ABTB3: variants seen among roughly 807,000 people sequenced by gnomAD.
The protein encoded by ABTB3 is ankyrin repeat and BTB domain containing 3.
chr12:107,557,450 C>A, the ABTB3 span, among the ~76,000 whole-genome samples: 5 of 152,224 alleles, frequency 3.3e-5, no homozygotes, highest in African/African-American at 1.2e-4. Flanking sequence ...CAGTACATGA[C>A]TGTATATAAA....
At chr12:107,518,843 CT>C in the ABTB3 span, among the ~76,000 whole-genome samples, 1 of 146,386 alleles carries the variant, frequency 6.8e-6, no homozygotes, top group African/African-American at 2.6e-5. Context: ...ATACTTAATA[CT>C]TGTTCTTTAG....
the ABTB3 span, chr12:107,615,275 G>A: frequency 1.3e-6 from 1 of 754,288 alleles, no homozygotes; most frequent in East Asian, 2.7e-5. Flanking sequence ...TTGGTTAACT[G>A]CAATTCAATA....
At chr12:107,375,279 G>A in the ABTB3 span, among the ~76,000 whole-genome samples, 1 of 152,088 alleles carries the variant, frequency 6.6e-6, no homozygotes, top group Non-Finnish European at 1.5e-5. Context: ...TTAGCCAGGT[G>A]TGGTGACATG....
At chr12:107,440,189 G>C in the ABTB3 span, among the ~76,000 whole-genome samples, 16 of 152,174 alleles carry the variant, frequency 1.1e-4, no homozygotes, top group Non-Finnish European at 5.9e-5. Context: ...GAGCCTGTGT[G>C]GGTCCGTGAC....
At chr12:107,388,839 G>T in the ABTB3 span, among the ~76,000 whole-genome samples, 1 of 152,352 alleles carries the variant, frequency 6.6e-6, no homozygotes, top group South Asian at 2.1e-4. Context: ...AATGAACATG[G>T]TCAAGTTGTT....
At chr12:107,588,137 A>T in the ABTB3 span, among the ~76,000 whole-genome samples, 49,855 of 151,940 alleles carry the variant, frequency 0.33, 9,560 homozygotes, top group African/African-American at 0.54. Flanking sequence ...CAAATTTCCA[A>T]CTTGTTATAA....
At chr12:107,578,980 A>C in the ABTB3 span, among the ~76,000 whole-genome samples, 2 of 152,244 alleles carry the variant, frequency 1.3e-5, no homozygotes, top group Non-Finnish European at 2.9e-5. Flanking sequence ...CCGTGATCCA[A>C]GAAGTCCCCA....
chr12:107,331,462 G>A, the ABTB3 span, among the ~76,000 whole-genome samples: 1 of 152,348 alleles, frequency 6.6e-6, no homozygotes, highest in East Asian at 1.9e-4. Flanking sequence ...TGCGGGGTGA[G>A]GTCCAGGGCG....
the ABTB3 span, among the ~76,000 whole-genome samples, chr12:107,597,765 G>T: frequency 6.6e-6 from 1 of 152,328 alleles, no homozygotes; most frequent in East Asian, 1.9e-4. Flanking sequence ...GCCATTGCAG[G>T]CTGGTGGGGT....
the ABTB3 span, among the ~76,000 whole-genome samples, chr12:107,543,597 C>A: frequency 6.6e-6 from 1 of 152,072 alleles, no homozygotes; most frequent in South Asian, 2.1e-4. Flanking sequence ...TTGGCCACAA[C>A]ATAGAGGGTG....
chr12:107,477,847 A>G, the ABTB3 span, among the ~76,000 whole-genome samples: 1 of 152,218 alleles, frequency 6.6e-6, no homozygotes, highest in African/African-American at 2.4e-5. Flanking sequence ...CTGGTGAACT[A>G]TAAACAGGAC....
At chr12:107,349,699 A>T in the ABTB3 span, among the ~76,000 whole-genome samples, 1 of 152,224 alleles carries the variant, frequency 6.6e-6, no homozygotes, top group East Asian at 1.9e-4. Context: ...TGTCAGATAA[A>T]TGAGGAATTT....
the ABTB3 span, chr12:107,650,436 A>C: frequency 6.6e-6 from 1 of 152,240 alleles, no homozygotes; most frequent in African/African-American, 2.4e-5. Context: ...ACATGGACAC[A>C]CAGTGACTCT....
chr12:107,632,451 G>T, the ABTB3 span, among the ~76,000 whole-genome samples: 1 of 152,096 alleles, frequency 6.6e-6, no homozygotes, highest in African/African-American at 2.4e-5. Context: ...CAGATAACAG[G>T]TCTTATCTTT....
the ABTB3 span, among the ~76,000 whole-genome samples, chr12:107,400,162 C>T: frequency 6.6e-6 from 1 of 152,150 alleles, no homozygotes; most frequent in Admixed American, 6.5e-5. Context: ...GTGCATGTGT[C>T]CTTATAGTAG....
the ABTB3 span, among the ~76,000 whole-genome samples, chr12:107,353,610 TTACTC>T: frequency 6.6e-6 from 1 of 152,164 alleles, no homozygotes; most frequent in Admixed American, 6.5e-5. Context: ...AGTAGGGTGT[TTACTC>T]TAGTAGAGTG....
the ABTB3 span, among the ~76,000 whole-genome samples, chr12:107,653,257 C>T: frequency 1.5e-3 from 225 of 152,304 alleles, 1 homozygote; most frequent in African/African-American, 5.1e-3. Flanking sequence ...TGGCTTATGC[C>T]TGTAATCCCA....
At chr12:107,424,859 G>T in the ABTB3 span, among the ~76,000 whole-genome samples, 1 of 152,142 alleles carries the variant, frequency 6.6e-6, no homozygotes, top group South Asian at 2.1e-4. Flanking sequence ...ACTTTCACAT[G>T]CAGGGTGAAT....
chr12:107,615,267 G>A, the ABTB3 span: 3 of 818,260 alleles, frequency 3.7e-6, no homozygotes, highest in Non-Finnish European at 5.9e-6. Flanking sequence ...CATTCATATT[G>A]GTTAACTGCA....
Sources: allele counts gnomAD v4.1 joint callset (sites outside exome capture counted in the v4.1 genomes callset), GRCh38; gene constraint gnomAD v4.1.1; transcripts MANE v1.5; gene names NCBI Gene and HGNC (gene_info 2026-07-23, HGNC 2026-07-21).